The following CSMD1 variants were observed in gnomAD, a reference collection of about 807,000 sequenced individuals.
The protein encoded by CSMD1 is CUB and sushi domain-containing protein 1.
CSMD1 carries 213 observed loss-of-function variants against 417.5 expected under a neutral mutation model. That is an observed-to-expected ratio of 0.51 (90% CI 0.46 to 0.57). The LOEUF (loss-of-function observed/expected upper bound fraction) is 0.57, where lower values mean the gene tolerates loss of function less well. CSMD1 is among the 20% of genes least tolerant of loss of function. CSMD1 has a pLI of 0.00. For missense variants in CSMD1, 6,923 were observed against 4,529.7 expected (o/e 1.53, Z -15.17); for synonymous variants, 2,862 against 1,736.8 (o/e 1.65, Z -16.11).
chr8:4,210,697 C>G (rs907046333), intron 3 of CSMD1, among the ~76,000 whole-genome samples: 1 of 152,086 alleles, frequency 6.6e-6, no homozygotes, highest in Admixed American at 6.6e-5. Flanking sequence ...CTTCATTTTG[C>G]TCATTTAATT....
At chr8:3,757,754 C>A (rs1419174531) in intron 5 of CSMD1, among the ~76,000 whole-genome samples, 2 of 151,862 alleles carry the variant, frequency 1.3e-5, no homozygotes, top group Non-Finnish European at 2.9e-5. Flanking sequence ...GAGGCTGAGG[C>A]AAGAGAATTG....
chr8:3,575,797 G>A (rs1158978464), intron 9 of CSMD1, among the ~76,000 whole-genome samples: 1 of 151,042 alleles, frequency 6.6e-6, no homozygotes, highest in East Asian at 1.9e-4. Context: ...ATACAACTTA[G>A]TCTGGAATAC....
At chr8:4,678,971 T>G (rs879135191) in intron 1 of CSMD1, among the ~76,000 whole-genome samples, 2 of 152,112 alleles carry the variant, frequency 1.3e-5, no homozygotes, top group South Asian at 2.1e-4. Context: ...ATGCTAAGAG[T>G]TGTGTGCTGC....
intron 3 of CSMD1, among the ~76,000 whole-genome samples, chr8:4,106,067 G>A (rs1162962514): frequency 6.6e-6 from 1 of 152,200 alleles, no homozygotes; most frequent in South Asian, 2.1e-4. Flanking sequence ...TGCCAGGCAG[G>A]AGAAAGAGCT....
chr8:3,376,922 C>G (rs990689532), intron 18 of CSMD1, among the ~76,000 whole-genome samples: 1 of 152,144 alleles, frequency 6.6e-6, no homozygotes, highest in Admixed American at 6.5e-5. Context: ...TGAGAACAAG[C>G]CTTATGGTTG....
chr8:4,428,025 G>T (rs892443691), intron 2 of CSMD1, among the ~76,000 whole-genome samples: 1 of 152,126 alleles, frequency 6.6e-6, no homozygotes, highest in Non-Finnish European at 1.5e-5. Flanking sequence ...TACTGTACTT[G>T]AAGCCTTTCA....
intron 3 of CSMD1, among the ~76,000 whole-genome samples, chr8:4,331,871 T>C (rs1038024384): frequency 4.6e-5 from 7 of 152,126 alleles, no homozygotes; most frequent in African/African-American, 1.7e-4. Flanking sequence ...AAAAAATACA[T>C]AATACATAGC....
chr8:3,369,667 T>A (rs1303593055), intron 18 of CSMD1, among the ~76,000 whole-genome samples: 13 of 152,176 alleles, frequency 8.5e-5, no homozygotes, highest in Admixed American at 8.5e-4. Flanking sequence ...AGGTTTGCAC[T>A]CCTGAGAGCC....
At chr8:4,734,411 G>A (rs765221194) in intron 1 of CSMD1, among the ~76,000 whole-genome samples, 1 of 151,804 alleles carries the variant, frequency 6.6e-6, no homozygotes, top group Non-Finnish European at 1.5e-5. Flanking sequence ...TTTGTTTAGT[G>A]AGTCCCTGAA....
chr8:3,613,729 A>C (rs1345290579), intron 8 of CSMD1, among the ~76,000 whole-genome samples: 7 of 136,742 alleles, frequency 5.1e-5, no homozygotes, highest in South Asian at 2.3e-4. Context: ...ACACACACAC[A>C]CACACACACC....
chr8:4,406,285 A>G (rs959547065), intron 3 of CSMD1, among the ~76,000 whole-genome samples: 2 of 152,164 alleles, frequency 1.3e-5, no homozygotes, highest in Non-Finnish European at 2.9e-5. Context: ...TGCAATTCAA[A>G]CAAAACAAAC....
chr8:4,786,233 C>T (rs945449423), intron 1 of CSMD1, among the ~76,000 whole-genome samples: 1 of 152,118 alleles, frequency 6.6e-6, no homozygotes, highest in East Asian at 1.9e-4. Context: ...AATTCACTAA[C>T]GGGTTAAAAA....
intron 5 of CSMD1, among the ~76,000 whole-genome samples, chr8:3,941,073 T>C (rs1378472706): frequency 6.6e-6 from 1 of 152,068 alleles, no homozygotes; most frequent in African/African-American, 2.4e-5. Flanking sequence ...GTAATTATAA[T>C]ATCCATCACC....
At chr8:3,512,928 G>A (rs533083574) in intron 10 of CSMD1, among the ~76,000 whole-genome samples, 21 of 152,084 alleles carry the variant, frequency 1.4e-4, no homozygotes, top group South Asian at 8.3e-4. Context: ...ACGTGGGCCC[G>A]TTGTATAACC....
At chr8:3,362,296 C>G (rs1348203675) in intron 20 of CSMD1, among the ~76,000 whole-genome samples, 1 of 152,186 alleles carries the variant, frequency 6.6e-6, no homozygotes, top group Non-Finnish European at 1.5e-5. Context: ...CCTTCCAAGA[C>G]TGTCTTCCTC....
chr8:4,166,404 T>C (rs1797458956), intron 3 of CSMD1, among the ~76,000 whole-genome samples: 1 of 152,206 alleles, frequency 6.6e-6, no homozygotes, highest in Non-Finnish European at 1.5e-5. Flanking sequence ...AGATAAAATG[T>C]ATATATACCA....
chr8:3,904,397 C>T (rs1807967900), intron 5 of CSMD1, among the ~76,000 whole-genome samples: 1 of 152,106 alleles, frequency 6.6e-6, no homozygotes. Flanking sequence ...CTCTTTATTG[C>T]AATGGACCTA....
chr8:3,116,096 C>T (rs908569984), intron 42 of CSMD1, among the ~76,000 whole-genome samples: 4 of 152,084 alleles, frequency 2.6e-5, no homozygotes, highest in African/African-American at 7.2e-5. Context: ...TATGAAGCAA[C>T]GACTTTTTTA....
chr8:4,722,326 T>C (rs867144475), intron 1 of CSMD1, among the ~76,000 whole-genome samples: 2 of 152,298 alleles, frequency 1.3e-5, no homozygotes, highest in Admixed American at 1.3e-4. Context: ...GAAGAAAATA[T>C]ATTTAATATC....
Sources: gnomAD v4.1 joint callset for allele counts (sites outside exome capture counted in the v4.1 genomes callset) on GRCh38, gnomAD v4.1.1 for gene constraint, MANE v1.5 for transcripts, NCBI Gene and HGNC (gene_info 2026-07-23, HGNC 2026-07-21) for gene names.